Variants in ATF7 observed in about 807,000 individuals in gnomAD.
ATF7 encodes cyclic AMP-dependent transcription factor ATF-7.
ATF7 carries 10 observed loss-of-function variants against 50.4 expected under a neutral mutation model. The ratio of observed to expected loss-of-function variants is 0.20; its 90% CI spans 0.12 to 0.34. The LOEUF is 0.34. Ranked by LOEUF, ATF7 falls within the 10% of genes least tolerant of loss-of-function variation. The pLI is 1.00. For missense variants in ATF7, 465 were observed against 613.9 expected (o/e 0.76, Z 2.56); for synonymous variants, 201 against 226.4 (o/e 0.89, Z 1.01).
intron 3 of ATF7, among the ~76,000 whole-genome samples, chr12:53,544,355 T>G (rs1939753999): frequency 6.6e-6 from 1 of 152,196 alleles, no homozygotes; most frequent in Admixed American, 6.6e-5. Flanking sequence ...GCATGCTACT[T>G]CAGGGATTCA....
intron 2 of ATF7, chr12:53,574,791 G>T: frequency 4.3e-6 from 1 of 229,928 alleles, no homozygotes; most frequent in South Asian, 5.8e-5. Flanking sequence ...AGCTTCAGTG[G>T]TGAAAAAAGA....
intron 1 of ATF7, among the ~76,000 whole-genome samples, chr12:53,606,540 G>A (rs2137853041): frequency 6.6e-6 from 1 of 152,200 alleles, no homozygotes; most frequent in Admixed American, 6.5e-5. Flanking sequence ...GAGCCACTGT[G>A]CCTGGCCTGG....
chr12:53,590,682 G>A (rs756886830), intron 2 of ATF7, among the ~76,000 whole-genome samples: 1 of 152,188 alleles, frequency 6.6e-6, no homozygotes, highest in African/African-American at 2.4e-5. Context: ...AATGCTTGGA[G>A]TTTTAGATAG....
chr12:53,541,212 A>G (rs1366823031), intron 4 of ATF7, among the ~76,000 whole-genome samples: 1 of 152,182 alleles, frequency 6.6e-6, no homozygotes, highest in Non-Finnish European at 1.5e-5. Context: ...AGAAGGAAAG[A>G]GCTCCCATGG....
At chr12:53,526,368 A>G (rs1487665853) in intron 9 of ATF7, among the ~76,000 whole-genome samples, 2 of 151,908 alleles carry the variant, frequency 1.3e-5, no homozygotes. Context: ...GAGGATGAAG[A>G]CTTTTATGAT....
At chr12:53,518,847 T>C (rs2460885) in intron 11 of ATF7, among the ~76,000 whole-genome samples, 1 of 150,818 alleles carries the variant, frequency 6.6e-6, no homozygotes. Flanking sequence ...AGATCGAGAC[T>C]ACCCTGGCTA....
In ATF7 at chr12:53,534,161, C is replaced by T. The variant is rs538899579; in HGVS notation, c.560+341G>A. On this transcript the variant is annotated intron_variant, in intron 6 of 11. Coordinates refer to ENST00000420353, the MANE Select transcript of ATF7 (RefSeq NM_006856.3). ...GCGTGGTTGCAGGCGCCTGTGTTCC[C>T]AGCTACTCGGGAGGCTGAGGCAGGA... Among the ~76,000 whole-genome samples the T allele has an allele frequency of 7.2e-5, 11 of 152,176 alleles. No individual in the cohort carries two copies. In the South Asian group the frequency reaches 1.5e-3, roughly 20 times the overall value.
At chr12:53,574,998 G>T (rs549056234) in intron 2 of ATF7, 1 of 191,706 alleles carries the variant, frequency 5.2e-6, no homozygotes, top group East Asian at 1.7e-4. Context: ...TTGGCTGGGC[G>T]TGGTGGCTCA....
intron 2 of ATF7, among the ~76,000 whole-genome samples, chr12:53,560,583 TC>T (rs1432871205): frequency 1.3e-5 from 2 of 152,152 alleles, no homozygotes; most frequent in African/African-American, 2.4e-5. Context: ...CCAGATACAT[TC>T]CTGAAATGTT....
chr12:53,600,894 TA>T, intron 2 of ATF7, 58 bp downstream of exon 2: 1 of 1,556,808 alleles, frequency 6.4e-7, no homozygotes. Context: ...GCCTTAGTGA[TA>T]AAACAGCCAC....
At chr12:53,586,095 G>A (rs1266348322) in intron 2 of ATF7, among the ~76,000 whole-genome samples, 2 of 152,174 alleles carry the variant, frequency 1.3e-5, no homozygotes, top group Non-Finnish European at 2.9e-5. Context: ...GAAAGTGAAA[G>A]AAGGCTGAAA....
In ATF7 at chr12:53,512,861, A is replaced by T. The variant is rs529750080; in HGVS notation, c.*4276T>A. The stretch of plus-strand genomic sequence containing the variant: ...AAAATTTCCCAGCTTATCCCTAAGA[A>T]ATGGTTCTCAACCTTTAGTGTGCAT... On this transcript the variant is annotated 3_prime_UTR_variant, in exon 12 of 12. Transcript: ENST00000420353. 1 of 152,352 alleles carries T rather than the reference A, an allele frequency of 6.6e-6. No individual in the cohort carries two copies. The highest frequency in any genetic ancestry group is 2.4e-5 in the African/African-American group (1 of 41,590). The allele number at this position is 152,352 out of a possible 1,614,324, so 9.4% of individuals were successfully genotyped here.
intron 5 of ATF7, 31 bp downstream of exon 5, chr12:53,537,384 C>G: frequency 6.2e-7 from 1 of 1,611,024 alleles, no homozygotes. Flanking sequence ...TATCAATTAA[C>G]ATTTGAGATG....
At chr12:53,598,891 G>A (rs1270962949) in intron 2 of ATF7, among the ~76,000 whole-genome samples, 1 of 152,128 alleles carries the variant, frequency 6.6e-6, no homozygotes, top group Non-Finnish European at 1.5e-5. Flanking sequence ...ATAATGGTAA[G>A]TATTAGAAAA....
At chr12:53,549,691 T>TGCCTCA (rs1210723306) in intron 3 of ATF7, among the ~76,000 whole-genome samples, 1 of 152,160 alleles carries the variant, frequency 6.6e-6, no homozygotes, top group African/African-American at 2.4e-5. Context: ...GTGATTCTCC[T>TGCCTCA]GCCTCAGCCT....
rs578156997 is a variant in ATF7 at position 53,541,513 on chromosome 12, C to G, written c.264+1817G>C. ...CCATGGGAACTATCTTCCTTTGACT[C>G]TGCTTCTTCAAGTATTTCCTCTCGT... is the stretch of plus-strand genomic sequence containing the variant. On this transcript the variant is annotated intron_variant, in intron 4 of 11. Coordinates refer to ENST00000420353, the MANE Select transcript of ATF7 (RefSeq NM_006856.3). Among the ~76,000 whole-genome samples, 11 of 152,292 alleles carry G rather than the reference C, an allele frequency of 7.2e-5. No homozygotes were observed. The East Asian group carries it at 2.1e-3, about 29-fold the overall frequency.
chr12:53,552,684 C>T, intron 2 of ATF7, 47 bp from the exon 3 acceptor site: 1 of 1,433,450 alleles, frequency 7.0e-7, no homozygotes, highest in Non-Finnish European at 9.8e-7. Flanking sequence ...AAACAAAAAC[C>T]CGATTCGGTG....
At chr12:53,583,641 G>T (rs191205286) in intron 2 of ATF7, among the ~76,000 whole-genome samples, 1 of 152,046 alleles carries the variant, frequency 6.6e-6, no homozygotes, top group Non-Finnish European at 1.5e-5. Context: ...TTTGTATGGC[G>T]ATGACTTTTT....
chr12:53,514,644 A>G lies in ATF7; in HGVS notation c.*2493T>C, dbSNP rs1937618210. The G allele has an allele frequency of 6.6e-6, 1 of 152,100 alleles. No homozygotes were observed. The highest frequency in any genetic ancestry group is 6.5e-5 in the Admixed American group (1 of 15,272). 9.4% of individuals were successfully genotyped at this position (152,100 alleles called of 1,614,324 possible). A position where few individuals can be genotyped will look rare whatever the true frequency, so the allele number is the denominator to read the frequency against. ...TACTGTGGTTCTGGCAGTGCTCCTC[A>G]CTGAGGTCCCGTACACATCTTCCCA... On this transcript the variant is annotated 3_prime_UTR_variant, in exon 12 of 12. Transcript: ENST00000420353.
Sources: gnomAD v4.1 joint callset for allele counts (sites outside exome capture counted in the v4.1 genomes callset) on GRCh38, gnomAD v4.1.1 for gene constraint, MANE v1.5 for transcripts, NCBI Gene and HGNC (gene_info 2026-07-23, HGNC 2026-07-21) for gene names.